The following SMIM35 variants were observed in gnomAD, a reference collection of about 807,000 sequenced individuals.
The protein encoded by SMIM35 is small integral membrane protein 35.
At chr11:118,049,219 C>T (rs1944166440) in intron 1 of SMIM35, among the ~76,000 whole-genome samples, 1 of 151,994 alleles carries the variant, frequency 6.6e-6, no homozygotes, top group Non-Finnish European at 1.5e-5. Flanking sequence ...ATGGCCCCTG[C>T]CAAGAGTGGC....
At chr11:118,062,669 C>T (rs1291548329) in intron 1 of SMIM35, among the ~76,000 whole-genome samples, 2 of 152,216 alleles carry the variant, frequency 1.3e-5, no homozygotes, top group Admixed American at 6.5e-5. Context: ...CACCCCTGCA[C>T]CCTTGCCTTC....
At chr11:118,065,277 C>G (rs576278260) in intron 1 of SMIM35, among the ~76,000 whole-genome samples, 1 of 152,152 alleles carries the variant, frequency 6.6e-6, no homozygotes, top group Non-Finnish European at 1.5e-5. Flanking sequence ...CCTAGAGCAC[C>G]GTGAAGAGGT....
At chr11:118,072,681 A>T (rs1289750704) in intron 1 of SMIM35, among the ~76,000 whole-genome samples, 1 of 152,204 alleles carries the variant, frequency 6.6e-6, no homozygotes, top group African/African-American at 2.4e-5. Context: ...TTTTATCTCT[A>T]CTAGAACATC....
chr11:118,062,038 A>G (rs1444659510), intron 1 of SMIM35, among the ~76,000 whole-genome samples: 4 of 152,232 alleles, frequency 2.6e-5, no homozygotes, highest in Admixed American at 2.6e-4. Context: ...TTCATCAAAA[A>G]TGAAAGTGGG....
chr11:118,056,601 G>T (rs1476619165), intron 1 of SMIM35, among the ~76,000 whole-genome samples: 1 of 152,182 alleles, frequency 6.6e-6, no homozygotes, highest in Admixed American at 6.5e-5. Context: ...GGAGATATCA[G>T]CACCCAGGTG....
chr11:118,012,637 T>G (rs997583620), intron 4 of SMIM35, among the ~76,000 whole-genome samples: 6 of 152,080 alleles, frequency 3.9e-5, no homozygotes, highest in Admixed American at 2.6e-4. Context: ...GAGTTGGCCA[T>G]GTTTGGGAGG....
At chr11:118,030,328 C>T (rs1175782347) in intron 1 of SMIM35, among the ~76,000 whole-genome samples, 2 of 152,146 alleles carry the variant, frequency 1.3e-5, no homozygotes, top group Admixed American at 6.5e-5. Context: ...AGCCATCGCA[C>T]CCAACTTGCA....
At chr11:118,009,372 C>T (rs556520095) in intron 4 of SMIM35, among the ~76,000 whole-genome samples, 2 of 152,322 alleles carry the variant, frequency 1.3e-5, no homozygotes, top group East Asian at 1.9e-4. Context: ...AATCACTTCA[C>T]GGCACTCTGG....
chr11:118,015,615 C>T (rs895885770), intron 2 of SMIM35, 78 bp downstream of exon 2: 11 of 399,050 alleles, frequency 2.8e-5, no homozygotes, highest in African/African-American at 4.1e-5. Context: ...AGTTTGCAGC[C>T]CTGCCGGGCA....
At chr11:118,010,868 G>A (rs2058146545) in intron 4 of SMIM35, among the ~76,000 whole-genome samples, 1 of 152,230 alleles carries the variant, frequency 6.6e-6, no homozygotes, top group East Asian at 1.9e-4. Flanking sequence ...AAGGTAGCGG[G>A]AAGGTGTTGG....
At chr11:118,042,102 C>T (rs138668298) in intron 1 of SMIM35, among the ~76,000 whole-genome samples, 10 of 103,718 alleles carry the variant, frequency 9.6e-5, no homozygotes, top group African/African-American at 2.8e-4. Flanking sequence ...AACTCAACTA[C>T]AGCAAGCAGA....
Position 118,038,555 on chromosome 11 carries a change from T to C in SMIM35, c.8-22746A>G, listed in dbSNP as rs567353670. 7.9e-5 allele frequency among the ~76,000 whole-genome samples: 12 copies of C among 152,316 alleles called. 1 individual carries two copies. The South Asian group carries it at 2.5e-3, about 32-fold the overall frequency. On this transcript the variant is annotated intron_variant, in intron 1 of 4. Transcript: ENST00000689828. ...TGTCAGCTACTGCAAATGAGTCCAA[T>C]TTAAGTAGTATTAGCTTGTTTATTG...
At chr11:118,076,301 G>A (rs984112278) in intron 1 of SMIM35, among the ~76,000 whole-genome samples, 2 of 151,828 alleles carry the variant, frequency 1.3e-5, no homozygotes, top group African/African-American at 2.4e-5. Context: ...ACAAAACTTA[G>A]CTGGGTGTGG....
intron 1 of SMIM35, among the ~76,000 whole-genome samples, chr11:118,072,598 G>A (rs1451456883): frequency 1.3e-5 from 2 of 152,200 alleles, no homozygotes; most frequent in Non-Finnish European, 2.9e-5. Flanking sequence ...CAGGCAGGGA[G>A]GAGAGGAAGG....
intron 1 of SMIM35, among the ~76,000 whole-genome samples, chr11:118,057,182 C>T (rs940717517): frequency 9.9e-5 from 15 of 152,152 alleles, no homozygotes; most frequent in African/African-American, 3.4e-4. Flanking sequence ...CTGGTGCTCT[C>T]TTAAGAAGGA....
At chr11:118,028,843 GA>G (rs1162261346) in intron 1 of SMIM35, 2 of 450,632 alleles carry the variant, frequency 4.4e-6, no homozygotes, top group Non-Finnish European at 8.9e-6. Flanking sequence ...AAAAGGAGAA[GA>G]AAAAGGAGGA....
Position 118,005,843 on chromosome 11 carries a change from C to T in SMIM35, c.*567G>A, listed in dbSNP as rs61115914. 5,665 of 152,480 alleles carry T rather than the reference C, an allele frequency of 0.037. 252 individuals are homozygous for T. The highest frequency in any genetic ancestry group is 0.11 in the African/African-American group (4,660 of 41,578). The allele number at this position is 152,480 out of a possible 1,614,324, so 9.4% of individuals were successfully genotyped here. On this transcript the variant is annotated 3_prime_UTR_variant, in exon 5 of 5. Transcript: ENST00000689828. The stretch of plus-strand genomic sequence containing the variant: ...ACCGCAGTCCTCCTGATGCAGTGCA[C>T]AGAGCTGCATGGGCTCCCCCAGAAC...
chr11:118,044,116 T>G (rs535004631), intron 1 of SMIM35, among the ~76,000 whole-genome samples: 8 of 152,066 alleles, frequency 5.3e-5, no homozygotes, highest in Non-Finnish European at 1.2e-4. Context: ...TCCTAAATCC[T>G]TAAACTTGAA....
At chr11:118,034,867 C>A (rs2058347183) in intron 1 of SMIM35, among the ~76,000 whole-genome samples, 2 of 152,214 alleles carry the variant, frequency 1.3e-5, no homozygotes, top group Non-Finnish European at 2.9e-5. Context: ...CTCAGGGAAG[C>A]TCCCCTTGGA....
Sources: allele counts gnomAD v4.1 joint callset (sites outside exome capture counted in the v4.1 genomes callset), GRCh38; gene constraint gnomAD v4.1.1; transcripts MANE v1.5; gene names NCBI Gene and HGNC (gene_info 2026-07-23, HGNC 2026-07-21).